The following POLE2 variants were observed in gnomAD, a reference collection of about 807,000 sequenced individuals.
POLE2 encodes DNA polymerase epsilon 2, accessory subunit.
Under a neutral mutation model 79.4 loss-of-function variants are expected in POLE2, and 56 were observed. The observed-to-expected ratio is 0.71, with a 90% CI of 0.57 to 0.88. The LOEUF is 0.88. Ranked by LOEUF, POLE2 falls within the 40% of genes least tolerant of loss-of-function variation. The pLI, the probability that POLE2 is intolerant of heterozygous loss-of-function variation, is 0.00. For missense variants in POLE2, 598 were observed against 638.9 expected, an observed-to-expected ratio of 0.94 and a Z score of 0.69; for synonymous variants, 212 against 214.0, an observed-to-expected ratio of 0.99 and a Z score of 0.08.
intron 1 of POLE2, among the ~76,000 whole-genome samples, chr14:49,687,463 A>T (rs371215210): frequency 6.6e-6 from 1 of 152,016 alleles, no homozygotes; most frequent in African/African-American, 2.4e-5. Context: ...TAAATTGGCA[A>T]CTGCAGACGT....
intron 2 of POLE2, 29 bp from the exon 3 acceptor site, chr14:49,679,829 T>TAA: frequency 7.4e-7 from 1 of 1,350,044 alleles, no homozygotes; most frequent in African/African-American, 1.5e-5. Flanking sequence ...AGTCAAAATT[T>TAA]AAAAACAAAA....
chr14:49,677,523 G>A, intron 3 of POLE2: 1 of 491,902 alleles, frequency 2.0e-6, no homozygotes, highest in Non-Finnish European at 3.7e-6. Flanking sequence ...GCTCCCACCA[G>A]GCCCTGACCC....
Position 49,651,280 on chromosome 14 carries a change from T to C in POLE2, c.1309A>G (p.Ile437Val). ...CVRFPSSNLA[I>V]PNHFVKTILS... ...GTTGTTTCACTTACGTGATTAGGAA[T>C]AGCCAAATTGCTGCTAGGAAAACGG... Residue 437 changes from isoleucine to valine, a missense_variant, in exon 16 of 19, where the codon ATT (isoleucine) becomes GTT (valine). Transcript: ENST00000216367. The C allele has an allele frequency of 1.9e-6, 3 of 1,556,634 alleles. No homozygotes were observed. Among genetic ancestry groups the C allele is most frequent in the Non-Finnish European group, 1.8e-6 (2 of 1,129,316 alleles).
intron 1 of POLE2, among the ~76,000 whole-genome samples, chr14:49,687,300 C>CACCACACA (rs1491570833): frequency 1.4e-5 from 2 of 139,744 alleles, no homozygotes; most frequent in Non-Finnish European, 3.1e-5. Context: ...TACACACACA[C>CACCACACA]CACACACACA....
chr14:49,679,672 T>C (rs1322406650), intron 3 of POLE2, 53 bp downstream of exon 3: 1 of 843,674 alleles, frequency 1.2e-6, no homozygotes, highest in Non-Finnish European at 2.0e-6. Context: ...TAATTAAAAA[T>C]AAGTGCTCAA....
chr14:49,649,904 A>C (rs967434212), intron 17 of POLE2, among the ~76,000 whole-genome samples: 1 of 152,340 alleles, frequency 6.6e-6, no homozygotes, highest in African/African-American at 2.4e-5. Context: ...ATTTCCAAAA[A>C]TCAAAATCAT....
At position 49,662,301 on chromosome 14, in the gene POLE2, C is replaced by T. The variant is rs141290981; in HGVS notation, c.755+1014G>A. ...TATACAGGCATACTAAAACTAAAAT[C>T]CTTGTTGTTGTTGTTGAGACGGAGT... On this transcript the variant is annotated intron_variant, in intron 10 of 18. Transcript: ENST00000216367. Among the ~76,000 whole-genome samples the T allele has an allele frequency of 3.6e-3, 544 of 152,296 alleles. 2 individuals are homozygous for T. Among genetic ancestry groups the T allele is most frequent in the African/African-American group, 9.1e-3 (378 of 41,546 alleles).
chr14:49,669,644 A>G, intron 5 of POLE2, 46 bp from the exon 6 acceptor site: 1 of 981,156 alleles, frequency 1.0e-6, no homozygotes, highest in Non-Finnish European at 1.6e-6. Flanking sequence ...CAGACATTTA[A>G]ATATAAGATT....
At chr14:49,662,346 G>C (rs559443721) in intron 10 of POLE2, among the ~76,000 whole-genome samples, 1 of 152,344 alleles carries the variant, frequency 6.6e-6, no homozygotes, top group East Asian at 1.9e-4. Flanking sequence ...TTGCCAGGCT[G>C]GAGTACAGTG....
At chr14:49,647,757 C>T (rs1465251326) in intron 17 of POLE2, among the ~76,000 whole-genome samples, 4 of 152,214 alleles carry the variant, frequency 2.6e-5, no homozygotes, top group South Asian at 2.1e-4. Flanking sequence ...CGTGCCCAGC[C>T]GAATACTCAA....
rs1162033821 is a variant in POLE2 at position 49,646,302 on chromosome 14, GTTT to G, written c.1565+988_1565+990del. 7.9e-3 allele frequency among the ~76,000 whole-genome samples: 663 copies of G among 84,160 alleles called. 3 individuals carry two copies. Among genetic ancestry groups the G allele is most frequent in the African/African-American group, 0.03 (498 of 16,608 alleles). 55.2% of individuals were successfully genotyped at this position (84,160 alleles called of 152,430 possible). On this transcript the variant is annotated intron_variant, in intron 18 of 18. Coordinates refer to ENST00000216367, the MANE Select transcript of POLE2 (RefSeq NM_002692.4). ...GATTTGGTCAGTTGTTTTTTTGTTG[GTTT>G]TTTTTTTTTTTTTTTTTTTTTTTTT... is the stretch of plus-strand genomic sequence containing the variant.
At chr14:49,685,460 C>T (rs1887059134) in intron 1 of POLE2, among the ~76,000 whole-genome samples, 1 of 152,120 alleles carries the variant, frequency 6.6e-6, no homozygotes, top group African/African-American at 2.4e-5. Context: ...TTAGCATAGA[C>T]CAAAGCCTGT....
intron 12 of POLE2, 72 bp from the exon 13 acceptor site, chr14:49,654,910 C>A: frequency 7.2e-7 from 1 of 1,396,676 alleles, no homozygotes; most frequent in South Asian, 1.6e-5. Flanking sequence ...TAGATACAAT[C>A]CTGTATATTC....
Position 49,650,412 on chromosome 14 carries a change from A to G in POLE2, c.1350T>C (p.His450=), listed in dbSNP as rs780507646. 1 of 1,565,870 alleles carries G rather than the reference A, an allele frequency of 6.4e-7. No individual in the cohort carries two copies. The highest frequency in any genetic ancestry group is 1.2e-5 in the South Asian group (1 of 83,752). Residue 450 remains histidine (H), a synonymous_variant, in exon 17 of 19, where the codon CAT becomes CAC. Coordinates refer to ENST00000216367, the MANE Select transcript of POLE2 (RefSeq NM_002692.4). ...HFVKTILSQG[H]LTPLPLYVCP... is the part of the protein sequence containing the mutation. ...AGACATAAAGAGGTAGGGGAGTCAG[A>G]TGTCCTTGGGATAAGATAGTCTTTA...
intron 3 of POLE2, among the ~76,000 whole-genome samples, chr14:49,678,281 G>A (rs552816937): frequency 1.2e-3 from 182 of 152,198 alleles, no homozygotes; most frequent in Non-Finnish European, 1.8e-3. Flanking sequence ...GGGATTACGG[G>A]CATGAGCCAC....
chr14:49,678,931 A>G (rs1489081782), intron 3 of POLE2, among the ~76,000 whole-genome samples: 1 of 152,212 alleles, frequency 6.6e-6, no homozygotes, highest in Non-Finnish European at 1.5e-5. Flanking sequence ...TGCTGGGATT[A>G]CAGGCATAAG....
In POLE2 at chr14:49,679,716, C is replaced by T. The variant is rs770586943; in HGVS notation, c.245+9G>A. On this transcript the variant is annotated intron_variant, in intron 3 of 18. Transcript: ENST00000216367. ...CCAAGGAGGAAAAAAGTTAACTGTA[C>T]CCACATACATAGTTTCATCAACAGA... is the stretch of plus-strand genomic sequence containing the variant. 23 of 1,500,278 alleles carry T rather than the reference C, an allele frequency of 1.5e-5. No homozygotes were observed. The highest frequency in any genetic ancestry group is 1.9e-5 in the Non-Finnish European group (21 of 1,081,746). The allele number at this position is 1,500,278 out of a possible 1,614,324, so 92.9% of individuals were successfully genotyped here.
chr14:49,670,396 A>G (rs1459295540), intron 5 of POLE2, among the ~76,000 whole-genome samples: 1 of 151,802 alleles, frequency 6.6e-6, no homozygotes, highest in African/African-American at 2.4e-5. Flanking sequence ...GAAGCTATGC[A>G]AAGTTTAATA....
rs780597494 is a variant in POLE2, at chr14:49,650,299, G to A, written c.1463C>T (p.Thr488Ile). Reference sequence around the variant, plus strand: ...GCAGAGGCATTCGGTATTTGTCGTAGTGAAAGGATCATATTTGTCTGCAAT... The same window carrying A: ...GCAGAGGCATTCGGTATTTGTCGTAATGAAAGGATCATATTTGTCTGCAAT... ...LVIADKYDPF[T>I]TTNTECLCIN... Residue 488 changes from threonine (T) to isoleucine (I), a missense_variant, in exon 17 of 19, where the codon ACT (threonine) becomes ATT (isoleucine). Coordinates refer to ENST00000216367, the MANE Select transcript of POLE2 (RefSeq NM_002692.4). 6.2e-7 allele frequency: 1 copy of A among 1,607,078 alleles called. No individual in the cohort carries two copies. The highest frequency in any genetic ancestry group is 1.7e-5 in the Admixed American group (1 of 59,224).
Sources: allele counts gnomAD v4.1 joint callset (sites outside exome capture counted in the v4.1 genomes callset), GRCh38; gene constraint gnomAD v4.1.1; transcripts MANE v1.5; gene names NCBI Gene and HGNC (gene_info 2026-07-23, HGNC 2026-07-21).